Variants in GRM5 observed in about 807,000 individuals in gnomAD.
The protein encoded by GRM5 is glutamate metabotropic receptor 5.
Under a neutral mutation model 83.1 loss-of-function variants are expected in GRM5, and 19 were observed. The ratio of observed to expected loss-of-function variants is 0.23; its 90% CI spans 0.16 to 0.34. The LOEUF (loss-of-function observed/expected upper bound fraction) is 0.34, where lower values mean the gene tolerates loss of function less well. Ranked by LOEUF, GRM5 falls within the 10% of genes least tolerant of loss-of-function variation. The pLI, the probability that GRM5 is intolerant of heterozygous loss-of-function variation, is 1.00. For missense variants in GRM5, 1,160 were observed against 1,588.3 expected (o/e 0.73, Z 4.58); for synonymous variants, 675 against 633.6 (o/e 1.07, Z -0.98).
At chr11:88,969,821 T>C (rs1166180262) in intron 2 of GRM5, among the ~76,000 whole-genome samples, 1 of 152,130 alleles carries the variant, frequency 6.6e-6, no homozygotes, top group African/African-American at 2.4e-5. Flanking sequence ...CAGCATGACA[T>C]ATATAGCTTT....
chr11:88,655,935 G>A (rs908639610), intron 3 of GRM5, among the ~76,000 whole-genome samples: 1 of 151,934 alleles, frequency 6.6e-6, no homozygotes, highest in Admixed American at 6.6e-5. Flanking sequence ...GACAACACTG[G>A]CTAAATTAGA....
chr11:88,789,886 A>G (rs981989474), intron 3 of GRM5, among the ~76,000 whole-genome samples: 10 of 151,630 alleles, frequency 6.6e-5, no homozygotes, highest in African/African-American at 2.2e-4. Flanking sequence ...ATGGAGTCCC[A>G]CTCTGTTGCC....
intron 2 of GRM5, among the ~76,000 whole-genome samples, chr11:88,914,481 G>T (rs1046632807): frequency 1.3e-5 from 2 of 152,122 alleles, no homozygotes; most frequent in African/African-American, 4.8e-5. Flanking sequence ...GTTTTACTCT[G>T]GTTGCTGTAT....
chr11:88,940,403 G>A (rs925454012), intron 2 of GRM5, among the ~76,000 whole-genome samples: 3 of 78,516 alleles, frequency 3.8e-5, no homozygotes, highest in East Asian at 3.2e-4. Context: ...TCTTTTTTTT[G>A]TCATTTGCTT....
chr11:88,728,823 AC>A (rs1435826703), intron 3 of GRM5, among the ~76,000 whole-genome samples: 1 of 152,060 alleles, frequency 6.6e-6, no homozygotes, highest in Admixed American at 6.6e-5. Context: ...AAAATTCAAC[AC>A]CCCTTCATGC....
At chr11:88,606,581 T>A (rs1938148033) in intron 4 of GRM5, among the ~76,000 whole-genome samples, 1 of 152,192 alleles carries the variant, frequency 6.6e-6, no homozygotes, top group Non-Finnish European at 1.5e-5. Flanking sequence ...AGCTTTGGGA[T>A]CCATTGAAGT....
intron 3 of GRM5, among the ~76,000 whole-genome samples, chr11:88,796,126 G>A (rs996212090): frequency 8.5e-5 from 13 of 152,082 alleles, no homozygotes; most frequent in African/African-American, 3.1e-4. Flanking sequence ...CATTTCCAAC[G>A]TAATTTAAAA....
intron 2 of GRM5, among the ~76,000 whole-genome samples, chr11:88,866,867 T>C (rs1315663570): frequency 2.0e-5 from 3 of 152,190 alleles, no homozygotes; most frequent in Non-Finnish European, 4.4e-5. Context: ...TAATCCATCA[T>C]GAATTAATTT....
chr11:88,566,614 G>A (rs899284555), intron 8 of GRM5, among the ~76,000 whole-genome samples: 5 of 152,166 alleles, frequency 3.3e-5, no homozygotes, highest in Non-Finnish European at 5.9e-5. Context: ...GTTTAGGCAC[G>A]TACAAGTGCA....
At chr11:88,617,637 G>T (rs1008933068) in intron 4 of GRM5, among the ~76,000 whole-genome samples, 2 of 152,130 alleles carry the variant, frequency 1.3e-5, no homozygotes, top group Non-Finnish European at 2.9e-5. Context: ...TAAGCGGTGG[G>T]TGCAAAGGCA....
intron 3 of GRM5, among the ~76,000 whole-genome samples, chr11:88,708,953 A>G (rs1180700980): frequency 6.6e-6 from 1 of 152,162 alleles, no homozygotes; most frequent in Non-Finnish European, 1.5e-5. Flanking sequence ...GTCTAATGGC[A>G]GAAGGAAGTA....
intron 8 of GRM5, among the ~76,000 whole-genome samples, chr11:88,531,056 G>A (rs1941996640): frequency 6.6e-6 from 1 of 152,078 alleles, no homozygotes; most frequent in African/African-American, 2.4e-5. Context: ...TATAAATGAA[G>A]CTAAAAGATA....
chr11:88,982,995 G>A (rs943977768), intron 2 of GRM5, among the ~76,000 whole-genome samples: 7 of 152,200 alleles, frequency 4.6e-5, no homozygotes, highest in African/African-American at 1.7e-4. Flanking sequence ...GAACCTGGGA[G>A]GCGGAGGTTG....
intron 3 of GRM5, among the ~76,000 whole-genome samples, chr11:88,757,069 T>A (rs1238740016): frequency 6.6e-6 from 1 of 151,760 alleles, no homozygotes; most frequent in East Asian, 1.9e-4. Context: ...ATGCAAGGGG[T>A]CCTCAAAAAT....
intron 9 of GRM5, among the ~76,000 whole-genome samples, chr11:88,509,931 C>T (rs1941318394): frequency 6.6e-6 from 1 of 152,086 alleles, no homozygotes; most frequent in South Asian, 2.1e-4. Flanking sequence ...AACATTACCA[C>T]TAGGACCCAA....
chr11:88,602,264 G>A (rs559807232), intron 5 of GRM5, among the ~76,000 whole-genome samples: 1 of 152,186 alleles, frequency 6.6e-6, no homozygotes, highest in Admixed American at 6.5e-5. Context: ...ATTATGTTAG[G>A]GGCATTATAT....
intron 4 of GRM5, among the ~76,000 whole-genome samples, chr11:88,633,944 A>C (rs1304454310): frequency 6.6e-6 from 1 of 152,232 alleles, no homozygotes; most frequent in African/African-American, 2.4e-5. Flanking sequence ...GTGGTTATGC[A>C]CAACCTACTA....
At chr11:88,520,321 C>T (rs1244199105) in intron 9 of GRM5, among the ~76,000 whole-genome samples, 3 of 152,086 alleles carry the variant, frequency 2.0e-5, no homozygotes, top group Non-Finnish European at 4.4e-5. Context: ...CTAATCTATT[C>T]TCAAAAACCA....
At chr11:88,773,089 C>A (rs1201650571) in intron 3 of GRM5, among the ~76,000 whole-genome samples, 6 of 152,310 alleles carry the variant, frequency 3.9e-5, no homozygotes, top group Admixed American at 2.0e-4. Context: ...ATTCCTATTT[C>A]TCCACATCCT....
Sources: allele counts gnomAD v4.1 joint callset (sites outside exome capture counted in the v4.1 genomes callset), GRCh38; gene constraint gnomAD v4.1.1; transcripts MANE v1.5; gene names NCBI Gene and HGNC (gene_info 2026-07-23, HGNC 2026-07-21).